Variants in ANO4 observed in about 807,000 individuals in gnomAD.
ANO4 encodes the protein anoctamin 4.
In ANO4, 69 loss-of-function variants were observed where a neutral mutation model predicts 141.9. The observed-to-expected ratio is 0.49, with a 90% CI of 0.40 to 0.59. The LOEUF (loss-of-function observed/expected upper bound fraction) is 0.59. ANO4 is among the 20% of genes least tolerant of loss of function. ANO4 has a pLI of 0.00. For missense variants in ANO4, 894 were observed against 1,162.2 expected (o/e 0.77, Z 3.36); for synonymous variants, 350 against 394.3 (o/e 0.89, Z 1.33).
At chr12:100,825,261 CAAAT>C (rs2036268083) in intron 1 of ANO4, among the ~76,000 whole-genome samples, 1 of 151,922 alleles carries the variant, frequency 6.6e-6, no homozygotes, top group Admixed American at 6.6e-5. Context: ...GGAAAACAAA[CAAAT>C]ACTGAATCCC....
chr12:101,115,202 C>T (rs565351140), intron 24 of ANO4, among the ~76,000 whole-genome samples: 9 of 152,312 alleles, frequency 5.9e-5, no homozygotes, highest in African/African-American at 2.2e-4. Context: ...GTTTATCTTA[C>T]TTATAGGCTA....
chr12:100,988,690 G>T (rs1477298126), intron 8 of ANO4, among the ~76,000 whole-genome samples: 3 of 151,820 alleles, frequency 2.0e-5, no homozygotes, highest in Non-Finnish European at 4.4e-5. Flanking sequence ...GACCAACATG[G>T]TGAAACCCCG....
At chr12:101,048,987 C>T (rs755455678) in intron 14 of ANO4, among the ~76,000 whole-genome samples, 77 of 152,112 alleles carry the variant, frequency 5.1e-4, no homozygotes, top group Non-Finnish European at 1.0e-3. Flanking sequence ...TTTAACCTAC[C>T]TCTTTGTAAA....
At chr12:101,100,079 A>G (rs1035854125) in intron 22 of ANO4, among the ~76,000 whole-genome samples, 2 of 152,180 alleles carry the variant, frequency 1.3e-5, no homozygotes, top group Non-Finnish European at 2.9e-5. Context: ...TAATAAGAGG[A>G]ACCATTTCAT....
intron 14 of ANO4, among the ~76,000 whole-genome samples, chr12:101,069,492 G>A (rs979705135): frequency 6.6e-6 from 1 of 152,164 alleles, no homozygotes; most frequent in Non-Finnish European, 1.5e-5. Context: ...TTCTCCTGTA[G>A]TATGTCTTTA....
At chr12:100,757,521 A>T (rs939451841) in intron 3 of ANO4, among the ~76,000 whole-genome samples, 1 of 152,188 alleles carries the variant, frequency 6.6e-6, no homozygotes, top group Non-Finnish European at 1.5e-5. Context: ...GGTGGGCCTG[A>T]TTGTGAAGGC....
At chr12:100,820,635 A>G (rs2035998433) in intron 1 of ANO4, among the ~76,000 whole-genome samples, 1 of 152,004 alleles carries the variant, frequency 6.6e-6, no homozygotes, top group Non-Finnish European at 1.5e-5. Flanking sequence ...TATGTCAGTT[A>G]ATATTTCCTC....
At chr12:100,820,800 G>A (rs1314843425) in intron 1 of ANO4, among the ~76,000 whole-genome samples, 1 of 152,022 alleles carries the variant, frequency 6.6e-6, no homozygotes, top group African/African-American at 2.4e-5. Context: ...TTTTTCATGT[G>A]CTGATGAGGA....
chr12:100,728,046 C>T lies in ANO4; in HGVS notation c.23-5728C>T, dbSNP rs550247522. Among the ~76,000 whole-genome samples the T allele has an allele frequency of 4.6e-5, 7 of 151,900 alleles. No individual in the cohort carries two copies. In the East Asian group the frequency reaches 1.2e-3, roughly 25 times the overall value. ...TATTCTATTATTATTTAGTATTTTA[C>T]TTTTATTCTTTTTTTAAACCCTCCT... On this transcript the variant is annotated intron_variant, in intron 1 of 29. Transcript: ENST00000644049.
chr12:101,007,174 G>A (rs56381978), intron 8 of ANO4, among the ~76,000 whole-genome samples: 6,219 of 152,196 alleles, frequency 0.041, 209 homozygotes, highest in East Asian at 0.11. Flanking sequence ...CCAACGTGGC[G>A]AAACCCTGTC....
chr12:100,896,775 G>A (rs2040373534), intron 1 of ANO4, among the ~76,000 whole-genome samples: 1 of 152,144 alleles, frequency 6.6e-6, no homozygotes, highest in South Asian at 2.1e-4. Flanking sequence ...CAGAGGCAAT[G>A]GTATAAACGC....
intron 11 of ANO4, among the ~76,000 whole-genome samples, chr12:101,041,162 G>A (rs994457624): frequency 6.6e-6 from 1 of 152,142 alleles, no homozygotes; most frequent in Non-Finnish European, 1.5e-5. Context: ...CTAGCTAGAT[G>A]TGTTGTTTCA....
At chr12:101,086,064 G>A (rs1243037343) in intron 16 of ANO4, among the ~76,000 whole-genome samples, 2 of 149,626 alleles carry the variant, frequency 1.3e-5, no homozygotes, top group Non-Finnish European at 3.0e-5. Flanking sequence ...GGAAGGATGA[G>A]TAGGTGTTAA....
chr12:100,958,426 T>G (rs984362929), intron 5 of ANO4, among the ~76,000 whole-genome samples: 2 of 152,240 alleles, frequency 1.3e-5, no homozygotes, highest in African/African-American at 4.8e-5. Context: ...CTGGCACAAT[T>G]CAAGGCACTT....
chr12:100,764,134 A>G (rs1255889948), intron 3 of ANO4, among the ~76,000 whole-genome samples: 3 of 152,190 alleles, frequency 2.0e-5, no homozygotes, highest in South Asian at 2.1e-4. Context: ...ATCTTCTGCT[A>G]TTGTCATTTT....
In ANO4 at chr12:101,053,618, C is replaced by T. The variant is rs190527187; in HGVS notation, c.1312+5217C>T. On this transcript the variant is annotated intron_variant, in intron 14 of 27. Coordinates refer to ENST00000392977, the MANE Select transcript of ANO4 (RefSeq NM_001286615.2). ...CTCTGTCTTCACCTGGCATTTGCCC[C>T]GTGTCTCTGTGTCTTCACATGGCTA... is the stretch of plus-strand genomic sequence containing the variant. Among the ~76,000 whole-genome samples, 118 of 152,198 alleles carry T rather than the reference C, an allele frequency of 7.8e-4. 1 individual carries two copies. Among genetic ancestry groups the T allele is most frequent in the South Asian group, 3.5e-3 (17 of 4,806 alleles).
In ANO4 at chr12:100,926,069, T is replaced by C. The variant is rs540157380; in HGVS notation, c.160+3739T>C. ...AAAACTGAATATAGCTCCCCAAGGA[T>C]ATATGGTTACTATGTGATAGAGTCA... On this transcript the variant is annotated intron_variant, in intron 3 of 27. Transcript: ENST00000392977. 2.2e-4 allele frequency among the ~76,000 whole-genome samples: 33 copies of C among 152,168 alleles called. No homozygotes were observed. The South Asian group carries it at 4.4e-3, about 20-fold the overall frequency.
At chr12:100,866,502 C>T (rs1429051987) in intron 1 of ANO4, among the ~76,000 whole-genome samples, 2 of 152,128 alleles carry the variant, frequency 1.3e-5, no homozygotes, top group African/African-American at 4.8e-5. Context: ...TTATTTGGTT[C>T]CAAGCATGGT....
intron 9 of ANO4, among the ~76,000 whole-genome samples, chr12:101,025,340 T>G (rs2046689615): frequency 6.6e-6 from 1 of 152,174 alleles, no homozygotes; most frequent in Non-Finnish European, 1.5e-5. Flanking sequence ...AAAGTGAGAA[T>G]GTAGGCAGGA....
Sources: gnomAD v4.1 joint callset for allele counts (sites outside exome capture counted in the v4.1 genomes callset) on GRCh38, gnomAD v4.1.1 for gene constraint, MANE v1.5 for transcripts, NCBI Gene and HGNC (gene_info 2026-07-23, HGNC 2026-07-21) for gene names.